Variants in ZNF704 observed in about 807,000 individuals in gnomAD.
ZNF704 encodes the protein glucocorticoid induced gene 1.
A neutral mutation model predicts 44.7 loss-of-function variants in ZNF704; 10 were observed. The ratio of observed to expected loss-of-function variants is 0.22; its 90% CI spans 0.14 to 0.38. The LOEUF (loss-of-function observed/expected upper bound fraction) is 0.38. Among genes scored for constraint, ZNF704 ranks in the 10% least tolerant of loss-of-function variants. The pLI, the probability that ZNF704 is intolerant of heterozygous loss-of-function variation, is 1.00. For missense variants in ZNF704, 390 were observed against 545.5 expected, an observed-to-expected ratio of 0.71 and a Z score of 2.84; for synonymous variants, 211 against 207.6, an observed-to-expected ratio of 1.02 and a Z score of -0.14.
chr8:80,743,836 A>C (rs971127746), intron 2 of ZNF704, among the ~76,000 whole-genome samples: 1 of 152,222 alleles, frequency 6.6e-6, no homozygotes, highest in Non-Finnish European at 1.5e-5. Context: ...AAATTAGATA[A>C]TGAATAGGTG....
chr8:80,803,469 C>T (rs1807935617), intron 2 of ZNF704, among the ~76,000 whole-genome samples: 1 of 152,156 alleles, frequency 6.6e-6, no homozygotes, highest in African/African-American at 2.4e-5. Context: ...CAGCATGGTA[C>T]TGGTACAAGA....
At chr8:80,777,255 C>T (rs777852253) in intron 2 of ZNF704, among the ~76,000 whole-genome samples, 30 of 152,206 alleles carry the variant, frequency 2.0e-4, no homozygotes, top group Middle Eastern at 3.4e-3. Flanking sequence ...CCCTATTTAG[C>T]CTTGTATCAT....
intron 2 of ZNF704, among the ~76,000 whole-genome samples, chr8:80,711,352 T>C (rs1020753893): frequency 6.6e-6 from 1 of 152,146 alleles, no homozygotes; most frequent in Admixed American, 6.5e-5. Flanking sequence ...TCATGGATAT[T>C]GGGGTTAGTG....
At chr8:80,824,093 G>A (rs1401394201) in intron 1 of ZNF704, among the ~76,000 whole-genome samples, 1 of 152,244 alleles carries the variant, frequency 6.6e-6, no homozygotes, top group Non-Finnish European at 1.5e-5. Context: ...CGAGTTGAGA[G>A]AAGGCTTCAG....
At position 80,670,591 on chromosome 8, in the gene ZNF704, C is replaced by A; in HGVS notation, c.571G>T (p.Val191Leu). ...IPRKRKNSMKVMFKCLWKNCG... is the reference protein window; with the variant it reads ...IPRKRKNSMKLMFKCLWKNCG... Reference sequence around the variant, plus strand: ...TTTTTCCAGAGGCATTTGAACATCACCTTCATGGAATTCTGTAAAGGGGAG... The same window carrying A: ...TTTTTCCAGAGGCATTTGAACATCAACTTCATGGAATTCTGTAAAGGGGAG... The change falls in exon 5 of 9, where the codon GTG (valine) becomes TTG (leucine). Residue 191 changes from valine to leucine, a missense_variant. Val to Leu is a conservative substitution (Grantham distance 32, BLOSUM62 1). This residue lies in a region of ZNF704 where 305 missense variants were observed against 435.7 expected (regional missense o/e 0.70). Coordinates refer to ENST00000327835, the MANE Select transcript of ZNF704 (RefSeq NM_001033723.3). The A allele has an allele frequency of 6.2e-7, 1 of 1,612,622 alleles. No individual in the cohort carries two copies. Among genetic ancestry groups the A allele is most frequent in the Non-Finnish European group, 8.5e-7 (1 of 1,178,700 alleles).
intron 4 of ZNF704, among the ~76,000 whole-genome samples, chr8:80,680,437 C>A (rs2131624836): frequency 6.6e-6 from 1 of 151,126 alleles, no homozygotes; most frequent in Non-Finnish European, 1.5e-5. Context: ...GCTTACACAT[C>A]CAAGCCTCTC....
intron 1 of ZNF704, among the ~76,000 whole-genome samples, chr8:80,842,729 A>G (rs1808702374): frequency 6.6e-6 from 1 of 152,188 alleles, no homozygotes; most frequent in Admixed American, 6.5e-5. Context: ...TGACATCCAT[A>G]TCATCCTATT....
At chr8:80,742,131 C>T (rs983261821) in intron 2 of ZNF704, among the ~76,000 whole-genome samples, 1 of 151,954 alleles carries the variant, frequency 6.6e-6, no homozygotes, top group Non-Finnish European at 1.5e-5. Flanking sequence ...CTTACACTGC[C>T]GGGGTCATCA....
At chr8:80,744,876 A>G (rs557833206) in intron 2 of ZNF704, among the ~76,000 whole-genome samples, 2 of 152,234 alleles carry the variant, frequency 1.3e-5, no homozygotes, top group South Asian at 4.1e-4. Flanking sequence ...CTCAAAGCTC[A>G]TAAGTACCTA....
intron 5 of ZNF704, among the ~76,000 whole-genome samples, chr8:80,668,490 AGT>A (rs886230082): frequency 6.6e-6 from 1 of 152,056 alleles, no homozygotes; most frequent in African/African-American, 2.4e-5. Flanking sequence ...GACCCCAGAG[AGT>A]GGGAAGAAGA....
At chr8:80,847,348 G>T (rs1275720947) in intron 1 of ZNF704, among the ~76,000 whole-genome samples, 1 of 152,020 alleles carries the variant, frequency 6.6e-6, no homozygotes, top group Non-Finnish European at 1.5e-5. Context: ...TAAATTGGGG[G>T]ACATATTGTG....
intron 2 of ZNF704, among the ~76,000 whole-genome samples, chr8:80,737,203 A>G (rs1806682189): frequency 6.6e-6 from 1 of 152,236 alleles, no homozygotes. Context: ...AACAAACATT[A>G]GTATCTCACA....
chr8:80,656,010 C>A (rs932165106), intron 7 of ZNF704, among the ~76,000 whole-genome samples: 1 of 152,118 alleles, frequency 6.6e-6, no homozygotes, highest in Admixed American at 6.5e-5. Flanking sequence ...AAGCTCTAAT[C>A]CCCAGTGTGG....
chr8:80,745,530 T>C (rs1806829920), intron 2 of ZNF704, among the ~76,000 whole-genome samples: 3 of 152,196 alleles, frequency 2.0e-5, no homozygotes, highest in South Asian at 2.1e-4. Flanking sequence ...AGTATCTTAA[T>C]AGACTTGCCA....
chr8:80,869,536 G>A (rs563505333), intron 1 of ZNF704, among the ~76,000 whole-genome samples: 6 of 152,150 alleles, frequency 3.9e-5, no homozygotes, highest in Non-Finnish European at 8.8e-5. Context: ...TCTAATGGAG[G>A]AAGGTTCCCA....
At chr8:80,820,586 T>C (rs899509043) in intron 2 of ZNF704, among the ~76,000 whole-genome samples, 1 of 152,132 alleles carries the variant, frequency 6.6e-6, no homozygotes, top group South Asian at 2.1e-4. Context: ...GTGTCGCCTA[T>C]TCTTCATTTC....
intron 1 of ZNF704, among the ~76,000 whole-genome samples, chr8:80,838,650 G>A (rs1381775015): frequency 4.0e-5 from 6 of 149,698 alleles, no homozygotes; most frequent in Non-Finnish European, 8.9e-5. Context: ...GGAGGGGGAG[G>A]AGGAGGAAAG....
At chr8:80,812,501 T>G (rs1586045600) in intron 2 of ZNF704, 1 of 152,878 alleles carries the variant, frequency 6.5e-6, no homozygotes, top group African/African-American at 2.4e-5. Flanking sequence ...TGGGAGCATC[T>G]GGGCGCTGCT....
upstream of ZNF704, among the ~76,000 whole-genome samples, chr8:80,875,899 G>A (rs1402783593): frequency 6.6e-6 from 1 of 152,180 alleles, no homozygotes; most frequent in African/African-American, 2.4e-5. Flanking sequence ...GCTTCCTGAT[G>A]TACCTATTTC....
Sources: allele counts gnomAD v4.1 joint callset (sites outside exome capture counted in the v4.1 genomes callset), GRCh38; gene constraint gnomAD v4.1.1; regional missense constraint gnomAD v4.1.1; transcripts MANE v1.5; gene names NCBI Gene and HGNC (gene_info 2026-07-23, HGNC 2026-07-21).